Variants in SETD7 observed in about 807,000 individuals in gnomAD.
SETD7 encodes histone-lysine N-methyltransferase SETD7.
In SETD7, 16 loss-of-function variants were observed where a neutral mutation model predicts 41.8. The ratio of observed to expected loss-of-function variants is 0.38; its 90% CI spans 0.26 to 0.58. The LOEUF (loss-of-function observed/expected upper bound fraction) is 0.58, where lower values mean the gene tolerates loss of function less well. Ranked by LOEUF, SETD7 falls within the 20% of genes least tolerant of loss-of-function variation. SETD7 has a pLI of 0.64. For missense variants in SETD7, 346 were observed against 459.7 expected (o/e 0.75, Z 2.26); for synonymous variants, 163 against 169.7 (o/e 0.96, Z 0.31).
chr4:139,546,203 A>T (rs553057535), intron 2 of SETD7: 2 of 154,388 alleles, frequency 1.3e-5, no homozygotes, highest in Admixed American at 6.5e-5. Flanking sequence ...TTCTGACATT[A>T]GTATTAAATT....
In SETD7 at chr4:139,511,830, G is replaced by A. The variant is rs1349071882; in HGVS notation, c.934C>T (p.Arg312Cys). The A allele has an allele frequency of 4.3e-6, 7 of 1,611,844 alleles. No individual in the cohort carries two copies. Among genetic ancestry groups the A allele is most frequent in the East Asian group, 2.2e-5 (1 of 44,854 alleles). ...CGGATGCATTTGATGGGCCCAAAAC[G>A]GGGGTGGACAAACCTAAACATCAAG... Reference protein sequence around the residue: ...NCIYDMFVHPRFGPIKCIRTL... With the variant: ...NCIYDMFVHPCFGPIKCIRTL... Residue 312 changes from arginine (R) to cysteine (C), a missense_variant, in exon 8 of 8, where the codon CGT becomes TGT. Arg to Cys is a radical substitution (Grantham distance 180, BLOSUM62 -3). Around this residue, in one of 3 missense-constraint regions of SETD7, gnomAD observed 75 missense variants for 65.5 expected, o/e 1.14. Transcript: ENST00000274031.
At chr4:139,517,329 G>T (rs1727050807) in intron 7 of SETD7, among the ~76,000 whole-genome samples, 1 of 152,112 alleles carries the variant, frequency 6.6e-6, no homozygotes, top group African/African-American at 2.4e-5. Flanking sequence ...ACAAAATTTA[G>T]CTGGGTGCGG....
intron 4 of SETD7, 150 bp downstream of exon 4, chr4:139,528,881 G>A: frequency 1.5e-6 from 1 of 650,578 alleles, no homozygotes; most frequent in South Asian, 2.1e-5. Flanking sequence ...CCACTGGGGA[G>A]GTGCAGTGTC....
intron 4 of SETD7, among the ~76,000 whole-genome samples, chr4:139,527,647 C>T (rs1332258779): frequency 6.6e-6 from 1 of 152,138 alleles, no homozygotes; most frequent in Non-Finnish European, 1.5e-5. Context: ...ACAGAAAAGT[C>T]GCAAAGAAAG....
chr4:139,512,752 C>CTTTTTTT (rs140570195), intron 7 of SETD7, among the ~76,000 whole-genome samples: 57 of 75,534 alleles, frequency 7.5e-4, no homozygotes, highest in South Asian at 1.8e-3. Context: ...TTTTCTTATT[C>CTTTTTTT]TTTTTTTTTT....
chr4:139,534,796 C>G (rs888017066), intron 2 of SETD7, among the ~76,000 whole-genome samples: 2 of 152,148 alleles, frequency 1.3e-5, no homozygotes, highest in Non-Finnish European at 2.9e-5. Flanking sequence ...GGACGCAAAG[C>G]GGGCCATCAG....
chr4:139,514,104 G>A (rs1169682302), intron 7 of SETD7, among the ~76,000 whole-genome samples: 1 of 152,164 alleles, frequency 6.6e-6, no homozygotes, highest in East Asian at 1.9e-4. Context: ...GCAACATGGT[G>A]AAACCCCACC....
intron 2 of SETD7, among the ~76,000 whole-genome samples, chr4:139,544,290 CTAAAATAAAA>C (rs56306311): frequency 0.07 from 9,571 of 136,092 alleles, 415 homozygotes; most frequent in Middle Eastern, 0.15. Context: ...GAGAACCCAT[CTAAAATAAAA>C]TAAAATAAAA....
rs148438299 is a variant in SETD7 at position 139,535,678 on chromosome 4, T to C, written c.171-2312A>G. The stretch of plus-strand genomic sequence containing the variant: ...TACGAAGAACAAACTGCTATTTCCC[T>C]CTTAGCCCAACTGACTCAAAGTACA... On this transcript the variant is annotated intron_variant, in intron 2 of 7. Transcript: ENST00000274031. 5.9e-5 allele frequency among the ~76,000 whole-genome samples: 9 copies of C among 152,272 alleles called. No homozygotes were observed. In the East Asian group the frequency reaches 1.5e-3, roughly 26 times the overall value.
chr4:139,554,747 T>C (rs1244869367), intron 1 of SETD7, among the ~76,000 whole-genome samples: 1 of 152,238 alleles, frequency 6.6e-6, no homozygotes, highest in East Asian at 1.9e-4. Flanking sequence ...GGCATTACAT[T>C]GGATACTTTT....
chr4:139,499,796 GT>G, intron 7 of SETD7, among the ~76,000 whole-genome samples: 1 of 152,086 alleles, frequency 6.6e-6, no homozygotes, highest in Non-Finnish European at 1.5e-5. Flanking sequence ...TCAGTGCACT[GT>G]TTTTTTGTTT....
In SETD7 at chr4:139,540,976, G is replaced by A. The variant is rs138906681; in HGVS notation, c.170+5944C>T. On this transcript the variant is annotated intron_variant, in intron 2 of 7. Coordinates refer to ENST00000274031, the MANE Select transcript of SETD7 (RefSeq NM_030648.4). ...ATCCTTTCTCAGTGGCTCATCAGAC[G>A]GGTGACCTTGCTCAGGTTATTTGGC... Among the ~76,000 whole-genome samples the A allele has an allele frequency of 1.6e-4, 25 of 152,258 alleles. No homozygotes were observed. In the South Asian group the frequency reaches 2.5e-3, roughly 15 times the overall value.
At chr4:139,496,043 T>G (rs1726446781) in exon 8 of SETD7, 1 of 211,618 alleles carries the variant, frequency 4.7e-6, no homozygotes, top group African/African-American at 2.3e-5. Flanking sequence ...CTTATCCACA[T>G]GTGGTCAGTC....
rs528169488 is a variant in SETD7, at chr4:139,526,028, T to G, written c.563-2593A>C. On this transcript the variant is annotated intron_variant, in intron 4 of 7. Coordinates refer to ENST00000274031, the MANE Select transcript of SETD7 (RefSeq NM_030648.4). ...AATGTTTATTTGCAACCAGAAGGTT[T>G]TTGTTGTTGTTGTTTGTTTTTGTTT... Among the ~76,000 whole-genome samples, 10 of 143,174 alleles carry G rather than the reference T, an allele frequency of 7.0e-5. No individual in the cohort carries two copies. The South Asian group carries it at 2.1e-3, about 30-fold the overall frequency. The allele number at this position is 143,174 out of a possible 152,430, so 93.9% of individuals were successfully genotyped here.
chr4:139,500,863 G>C (rs1009897670), intron 7 of SETD7, among the ~76,000 whole-genome samples: 23 of 151,956 alleles, frequency 1.5e-4, no homozygotes, highest in Admixed American at 1.2e-3. Context: ...AATAGTTTTC[G>C]GGGCCCCTGT....
chr4:139,531,972 C>T (rs933863338), intron 3 of SETD7, among the ~76,000 whole-genome samples: 19 of 152,066 alleles, frequency 1.2e-4, no homozygotes, highest in African/African-American at 4.6e-4. Context: ...CCTGTGCCTG[C>T]AATCCCAGCT....
Position 139,512,303 on chromosome 4 carries a change from G to T in SETD7, c.921-460C>A, listed in dbSNP as rs112259627. On this transcript the variant is annotated intron_variant, in intron 7 of 7. Coordinates refer to ENST00000274031, the MANE Select transcript of SETD7 (RefSeq NM_030648.4). ...AAGGCTTCACCAGAGTGCTTTTGGA[G>T]TTGTAAGAAAGAGCCCTGTGGATTT... Among the ~76,000 whole-genome samples, 824 of 152,318 alleles carry T rather than the reference G, an allele frequency of 5.4e-3. 5 individuals carry two copies. Among genetic ancestry groups the T allele is most frequent in the African/African-American group, 0.019 (780 of 41,564 alleles).
At position 139,512,311 on chromosome 4, in the gene SETD7, A is replaced by G. The variant is rs28525099; in HGVS notation, c.921-468T>C. Among the ~76,000 whole-genome samples the G allele has an allele frequency of 7.8e-3, 1,195 of 152,324 alleles. 27 individuals carry two copies. Among genetic ancestry groups the G allele is most frequent in the African/African-American group, 0.028 (1,145 of 41,562 alleles). The stretch of plus-strand genomic sequence containing the variant: ...ACCAGAGTGCTTTTGGAGTTGTAAG[A>G]AAGAGCCCTGTGGATTTTCAAAGGC... On this transcript the variant is annotated intron_variant, in intron 7 of 7. Transcript: ENST00000274031.
Position 139,507,980 on chromosome 4 carries a change from A to G in SETD7, c.*3683T>C, listed in dbSNP as rs571694103. On this transcript the variant is annotated 3_prime_UTR_variant, in exon 8 of 8. Transcript: ENST00000274031. ...CAACTGTTTTAAAACAAAGCAAAAC[A>G]GAAAATGATACCTCTACCTTCTTGG... 3.9e-5 allele frequency: 6 copies of G among 152,392 alleles called. No homozygotes were observed. In the East Asian group the frequency reaches 7.7e-4, roughly 20 times the overall value. The allele number at this position is 152,392 out of a possible 1,614,324, so 9.4% of individuals were successfully genotyped here. A position where few individuals can be genotyped will look rare whatever the true frequency, so the allele number is the denominator to read the frequency against.
Sources: allele counts gnomAD v4.1 joint callset (sites outside exome capture counted in the v4.1 genomes callset), GRCh38; gene constraint gnomAD v4.1.1; regional missense constraint gnomAD v4.1.1; transcripts MANE v1.5; gene names NCBI Gene and HGNC (gene_info 2026-07-23, HGNC 2026-07-21).